The following TULP4 variants were observed in gnomAD, a reference collection of about 807,000 sequenced individuals.
The protein encoded by TULP4 is TUB like protein 4, also known as tubby-related protein 4.
Under a neutral mutation model 129.0 loss-of-function variants are expected in TULP4, and 16 were observed. The observed-to-expected ratio is 0.12, with a 90% CI of 0.08 to 0.19. The LOEUF is 0.19. Among genes scored for constraint, TULP4 ranks in the 10% least tolerant of loss-of-function variants. The pLI is 1.00. For missense variants in TULP4, 1,842 were observed against 2,059.1 expected, an observed-to-expected ratio of 0.89 and a Z score of 2.04; for synonymous variants, 998 against 854.0, an observed-to-expected ratio of 1.17 and a Z score of -2.94.
At chr6:158,264,720 T>G (rs184629653) in intron 1 of TULP4, among the ~76,000 whole-genome samples, 57 of 152,338 alleles carry the variant, frequency 3.7e-4, no homozygotes, top group Middle Eastern at 6.8e-3. Flanking sequence ...TGCTGTTGAA[T>G]GAACATTGGG....
At chr6:158,488,741 A>G (rs6928393) in intron 8 of TULP4, among the ~76,000 whole-genome samples, 71,907 of 151,418 alleles carry the variant, frequency 0.47, 17,219 homozygotes, top group South Asian at 0.56. Context: ...CATCAGAAAA[A>G]CAAAGTAATC....
chr6:158,291,544 A>C (rs1018787600), intron 1 of TULP4, among the ~76,000 whole-genome samples: 27 of 151,970 alleles, frequency 1.8e-4, no homozygotes, highest in African/African-American at 6.3e-4. Flanking sequence ...CCTGCGTGGC[A>C]TATATTGTGC....
chr6:158,362,453 A>C (rs567816124), intron 1 of TULP4, among the ~76,000 whole-genome samples: 4 of 152,200 alleles, frequency 2.6e-5, no homozygotes, highest in Admixed American at 2.6e-4. Flanking sequence ...GGGCTCAAGC[A>C]ATGCTCCCGC....
rs1251440959 is a variant in TULP4 at position 158,502,585 on chromosome 6, T to G, written c.2922T>G (p.Ala974=). 4.4e-6 allele frequency: 7 copies of G among 1,602,800 alleles called. No individual in the cohort carries two copies. The East Asian group carries it at 1.6e-4, about 36-fold the overall frequency. ...GCCAGCTGGCCCAGGGGCGGGGGGC[T>G]GCCCAGAGGTCCGACAATAGCCTCA... The part of the protein sequence containing the change: ...IASQLAQGRG[A]AQRSDNSLIH... Residue 974 remains alanine (A), a synonymous_variant, in exon 13 of 14, where the codon GCT becomes GCG. Transcript: ENST00000367097.
At chr6:158,323,052 G>A (rs2128487940) in intron 1 of TULP4, among the ~76,000 whole-genome samples, 1 of 152,260 alleles carries the variant, frequency 6.6e-6, no homozygotes, top group East Asian at 1.9e-4. Context: ...AGAGATGAAG[G>A]ACACTTCGTT....
At chr6:158,401,088 G>A (rs1402496944) in intron 1 of TULP4, among the ~76,000 whole-genome samples, 1 of 149,120 alleles carries the variant, frequency 6.7e-6, no homozygotes, top group Admixed American at 6.7e-5. Context: ...TTGTTGTTTT[G>A]TTGTTTTGAG....
intron 1 of TULP4, among the ~76,000 whole-genome samples, chr6:158,389,576 A>G (rs539274367): frequency 1.1e-4 from 16 of 152,228 alleles, no homozygotes; most frequent in Admixed American, 2.0e-4. Context: ...TGATGTGGAG[A>G]TCAATAGAAG....
At chr6:158,236,795 C>CTTTTTCTTTTTTTTTTT (rs1777713125) in intron 1 of TULP4, among the ~76,000 whole-genome samples, 5 of 63,292 alleles carry the variant, frequency 7.9e-5, no homozygotes, top group Non-Finnish European at 9.3e-5. Flanking sequence ...CAATTCTTTT[C>CTTTTTCTTTTTTTTTTT]TTTTTTTTTT....
intron 2 of TULP4, among the ~76,000 whole-genome samples, chr6:158,427,315 G>A (rs1003375353): frequency 6.6e-6 from 1 of 151,978 alleles, no homozygotes; most frequent in Non-Finnish European, 1.5e-5. Flanking sequence ...CTAGGACTAG[G>A]GTTGGGGATT....
upstream of TULP4, among the ~76,000 whole-genome samples, chr6:158,308,356 T>G (rs920763569): frequency 6.6e-6 from 1 of 151,990 alleles, no homozygotes; most frequent in African/African-American, 2.4e-5. Flanking sequence ...GGCCAAAGAA[T>G]TTTTCTTAGT....
intron 1 of TULP4, among the ~76,000 whole-genome samples, chr6:158,259,243 A>C (rs552807056): frequency 6.6e-6 from 1 of 152,260 alleles, no homozygotes; most frequent in African/African-American, 2.4e-5. Context: ...AAATCTACTA[A>C]TTTCATATTA....
At position 158,331,771 on chromosome 6, in the gene TULP4, G is replaced by A. The variant is rs1319519290; in HGVS notation, c.252+17503G>A. On this transcript the variant is annotated intron_variant, in intron 1 of 13. Coordinates refer to ENST00000367097, the MANE Select transcript of TULP4 (RefSeq NM_020245.5). ...TGTATATACACGTGTATATATACAC[G>A]TATATATACACACACACATACCTAC... Among the ~76,000 whole-genome samples the A allele has an allele frequency of 5.7e-3, 175 of 30,808 alleles. 19 individuals are homozygous for A. Among genetic ancestry groups the A allele is most frequent in the African/African-American group, 0.02 (109 of 5,560 alleles). 20.2% of individuals were successfully genotyped at this position (30,808 alleles called of 152,430 possible). A position where few individuals can be genotyped will look rare whatever the true frequency, so the allele number is the denominator to read the frequency against.
chr6:158,372,153 C>T (rs1442307952), intron 1 of TULP4, among the ~76,000 whole-genome samples: 1 of 96,254 alleles, frequency 1.0e-5, no homozygotes, highest in Non-Finnish European at 2.0e-5. Context: ...AATACAATTC[C>T]ATTCTATCTG....
At chr6:158,486,422 G>C (rs916342083) in intron 8 of TULP4, among the ~76,000 whole-genome samples, 1 of 152,042 alleles carries the variant, frequency 6.6e-6, no homozygotes, top group African/African-American at 2.4e-5. Flanking sequence ...GCGTGGTGGC[G>C]GGTGCATGTA....
intron 1 of TULP4, among the ~76,000 whole-genome samples, chr6:158,411,425 T>C (rs1226652034): frequency 6.6e-6 from 1 of 152,150 alleles, no homozygotes; most frequent in Non-Finnish European, 1.5e-5. Context: ...TTCCGCTAGA[T>C]GGGGCCACCT....
At chr6:158,253,246 G>T (rs532775603) in intron 1 of TULP4, among the ~76,000 whole-genome samples, 1 of 152,362 alleles carries the variant, frequency 6.6e-6, no homozygotes, top group South Asian at 2.1e-4. Flanking sequence ...CTGTGAGGAA[G>T]AATGTATTCC....
intron 1 of TULP4, among the ~76,000 whole-genome samples, chr6:158,340,846 G>C (rs565610162): frequency 6.6e-6 from 1 of 152,198 alleles, no homozygotes; most frequent in Non-Finnish European, 1.5e-5. Context: ...AACAACGGTT[G>C]CTTGAGTTAG....
intron 1 of TULP4, among the ~76,000 whole-genome samples, chr6:158,285,592 T>C (rs1440581235): frequency 2.6e-5 from 4 of 152,228 alleles, no homozygotes; most frequent in African/African-American, 9.6e-5. Context: ...AGATTCTCTC[T>C]GTATGTTGGA....
At position 158,449,057 on chromosome 6, in the gene TULP4, C is replaced by G. The variant is rs1055528637; in HGVS notation, c.605C>G (p.Ala202Gly). The part of the protein sequence containing the change: ...IVMDCHGRML[A>G]HVLLHESDGV... Reference sequence around the variant, plus strand: ...ATGGATTGCCACGGCAGAATGCTGGCCCACGTCCTCTTGCACGAGTCAGAC... The same window carrying G: ...ATGGATTGCCACGGCAGAATGCTGGGCCACGTCCTCTTGCACGAGTCAGAC... The change falls in exon 4 of 14, where the codon GCC becomes GGC. Residue 202 changes from alanine (A) to glycine (G), a missense_variant. Ala to Gly is a moderately conservative substitution (Grantham distance 60). Coordinates refer to ENST00000367097, the MANE Select transcript of TULP4 (RefSeq NM_020245.5). The G allele has an allele frequency of 6.2e-7, 1 of 1,613,934 alleles. No individual in the cohort carries two copies. Among genetic ancestry groups the G allele is most frequent in the African/African-American group, 1.3e-5 (1 of 75,028 alleles).
Sources: gnomAD v4.1 joint callset for allele counts (sites outside exome capture counted in the v4.1 genomes callset) on GRCh38, gnomAD v4.1.1 for gene constraint, MANE v1.5 for transcripts, NCBI Gene and HGNC (gene_info 2026-07-23, HGNC 2026-07-21) for gene names.